Variants in KIF6 observed in about 807,000 individuals in gnomAD.
The protein encoded by KIF6 is kinesin-like protein KIF6.
A neutral mutation model predicts 112.7 loss-of-function variants in KIF6; 106 were observed. That is an observed-to-expected ratio of 0.94 (90% CI 0.80 to 1.11). The LOEUF is 1.11. Ranked by LOEUF, KIF6 falls within the 50% of genes least tolerant of loss-of-function variation. The probability of loss-of-function intolerance (pLI) is 0.00; values close to 1 mark genes in which losing one functional copy is unlikely to be tolerated. For missense variants in KIF6, 929 were observed against 964.0 expected, an observed-to-expected ratio of 0.96 and a Z score of 0.48; for synonymous variants, 339 against 339.9, an observed-to-expected ratio of 1.00 and a Z score of 0.03.
intron 19 of KIF6, among the ~76,000 whole-genome samples, chr6:39,356,905 G>A (rs73735507): frequency 0.01 from 1,524 of 152,198 alleles, 30 homozygotes; most frequent in African/African-American, 0.035. Context: ...CTCAGTAGGC[G>A]GGCTACCCAC....
chr6:39,396,567 A>G (rs1216641051), intron 15 of KIF6, among the ~76,000 whole-genome samples: 1 of 152,196 alleles, frequency 6.6e-6, no homozygotes, highest in Non-Finnish European at 1.5e-5. Context: ...CTGGGCCTAC[A>G]ATAATGGAAA....
chr6:39,624,210 C>T (rs1015666441), intron 5 of KIF6, among the ~76,000 whole-genome samples: 3 of 151,934 alleles, frequency 2.0e-5, no homozygotes, highest in African/African-American at 7.3e-5. Flanking sequence ...ATGTGTATAC[C>T]CCATTTTCCA....
At chr6:39,500,643 C>T (rs112921652) in intron 13 of KIF6, among the ~76,000 whole-genome samples, 1 of 152,192 alleles carries the variant, frequency 6.6e-6, no homozygotes, top group Non-Finnish European at 1.5e-5. Flanking sequence ...AATGTTACTA[C>T]TTCATAGGGT....
intron 16 of KIF6, among the ~76,000 whole-genome samples, chr6:39,366,460 A>G (rs553428279): frequency 6.6e-6 from 1 of 152,334 alleles, no homozygotes; most frequent in African/African-American, 2.4e-5. Flanking sequence ...ACCACAAACA[A>G]TTGAGTCTGC....
At chr6:39,534,911 C>T (rs1284688110) in intron 13 of KIF6, among the ~76,000 whole-genome samples, 13 of 152,186 alleles carry the variant, frequency 8.5e-5, no homozygotes, top group Non-Finnish European at 1.6e-4. Flanking sequence ...CAATATTCAA[C>T]GTTCTTAAAG....
intron 13 of KIF6, among the ~76,000 whole-genome samples, chr6:39,447,348 C>G (rs1772395244): frequency 6.6e-6 from 1 of 152,210 alleles, no homozygotes; most frequent in Non-Finnish European, 1.5e-5. Flanking sequence ...AAGCCCACCC[C>G]CTTCACCTGG....
At chr6:39,570,756 C>T (rs1385304356) in intron 10 of KIF6, among the ~76,000 whole-genome samples, 1 of 152,144 alleles carries the variant, frequency 6.6e-6, no homozygotes, top group African/African-American at 2.4e-5. Context: ...CTCACTCCAT[C>T]CTGCCACCCC....
intron 12 of KIF6, among the ~76,000 whole-genome samples, chr6:39,540,832 T>C (rs1001669933): frequency 6.6e-6 from 1 of 152,210 alleles, no homozygotes; most frequent in African/African-American, 2.4e-5. Flanking sequence ...AAGAAGCGAA[T>C]TGTTAGCACA....
At position 39,469,426 on chromosome 6, in the gene KIF6, C is replaced by T. The variant is rs1773989902; in HGVS notation, c.1646-38265G>A. On this transcript the variant is annotated intron_variant, in intron 13 of 22. Coordinates refer to ENST00000287152, the MANE Select transcript of KIF6 (RefSeq NM_145027.6). ...ATTTAACTGTATGCTATAAAAGATA[C>T]AGTTTACCTTCAAACATACAAATTA... 2.0e-5 allele frequency among the ~76,000 whole-genome samples: 3 copies of T among 151,942 alleles called. No homozygotes were observed. In the South Asian group the frequency reaches 6.2e-4, roughly 32 times the overall value.
At chr6:39,478,528 A>C (rs1475893225) in intron 13 of KIF6, among the ~76,000 whole-genome samples, 1 of 152,058 alleles carries the variant, frequency 6.6e-6, no homozygotes, top group African/African-American at 2.4e-5. Flanking sequence ...TTGTATAATG[A>C]CTTCTTTTCC....
chr6:39,371,212 C>T (rs889088382), intron 16 of KIF6, among the ~76,000 whole-genome samples: 17 of 152,176 alleles, frequency 1.1e-4, no homozygotes, highest in African/African-American at 4.1e-4. Context: ...TCTACCACAA[C>T]ACTTGACACT....
Position 39,504,515 on chromosome 6 carries a change from A to G in KIF6, c.1645+35488T>C, listed in dbSNP as rs879931804. Among the ~76,000 whole-genome samples, 75 of 152,212 alleles carry G rather than the reference A, an allele frequency of 4.9e-4. 3 individuals are homozygous for G. The highest frequency in any genetic ancestry group is 2.9e-5 in the Non-Finnish European group (2 of 68,028). ...CCTGGCCAGGGCAATCAGGCAAGAT[A>G]AATAAGTAAAGGATATTCAAATAGG... is the stretch of plus-strand genomic sequence containing the variant. On this transcript the variant is annotated intron_variant, in intron 13 of 22. Transcript: ENST00000287152.
At chr6:39,596,386 A>G in intron 6 of KIF6, 126 bp from the exon 7 acceptor site, 1 of 659,098 alleles carries the variant, frequency 1.5e-6, no homozygotes, top group Non-Finnish European at 2.6e-6. Context: ...ACTGGAGCAA[A>G]ACCACTTGTA....
At chr6:39,522,602 G>A (rs931655361) in intron 13 of KIF6, among the ~76,000 whole-genome samples, 2 of 152,104 alleles carry the variant, frequency 1.3e-5, no homozygotes, top group African/African-American at 4.8e-5. Context: ...GACTGCTTTG[G>A]CAAAGGTCAC....
At chr6:39,421,390 C>A (rs1189762181) in intron 14 of KIF6, among the ~76,000 whole-genome samples, 1 of 152,210 alleles carries the variant, frequency 6.6e-6, no homozygotes, top group Non-Finnish European at 1.5e-5. Flanking sequence ...TATTTCCCCT[C>A]CTCCTCCGCA....
intron 3 of KIF6, among the ~76,000 whole-genome samples, chr6:39,668,703 C>G (rs906243017): frequency 6.6e-6 from 1 of 152,150 alleles, no homozygotes; most frequent in African/African-American, 2.4e-5. Flanking sequence ...TCTGCCTCGC[C>G]AGATCCTCCA....
In KIF6 at chr6:39,568,665, C is replaced by T. The variant is rs150326860; in HGVS notation, c.1181+9391G>A. 5.2e-3 allele frequency among the ~76,000 whole-genome samples: 792 copies of T among 152,064 alleles called. 10 individuals are homozygous for T. The highest frequency in any genetic ancestry group is 7.5e-3 in the Non-Finnish European group (512 of 67,996). The stretch of plus-strand genomic sequence containing the variant: ...TCCCGGGTTTCAGTAATTCTCCTGC[C>T]TCAGCCTCCTGAGTAGCTGGGATTA... On this transcript the variant is annotated intron_variant, in intron 10 of 22. Coordinates refer to ENST00000287152, the MANE Select transcript of KIF6 (RefSeq NM_145027.6).
chr6:39,466,505 T>C (rs1222289112), intron 13 of KIF6, among the ~76,000 whole-genome samples: 1 of 152,196 alleles, frequency 6.6e-6, no homozygotes, highest in Non-Finnish European at 1.5e-5. Context: ...TGGAGAAATA[T>C]TCATTCAAGG....
chr6:39,461,906 T>C (rs765285263), intron 13 of KIF6, among the ~76,000 whole-genome samples: 1 of 152,238 alleles, frequency 6.6e-6, no homozygotes, highest in Non-Finnish European at 1.5e-5. Context: ...TAAAGTGACA[T>C]GTAGTCCTTT....
Sources: gnomAD v4.1 joint callset for allele counts (sites outside exome capture counted in the v4.1 genomes callset) on GRCh38, gnomAD v4.1.1 for gene constraint, MANE v1.5 for transcripts, NCBI Gene and HGNC (gene_info 2026-07-23, HGNC 2026-07-21) for gene names.